Variants in HS3ST5 observed in about 807,000 individuals in gnomAD.
The protein encoded by HS3ST5 is heparan sulfate-glucosamine 3-sulfotransferase 5.
HS3ST5 carries 10 observed loss-of-function variants against 25.4 expected under a neutral mutation model. The observed-to-expected ratio is 0.39, with a 90% CI of 0.24 to 0.67. The LOEUF (loss-of-function observed/expected upper bound fraction) is 0.67. Among genes scored for constraint, HS3ST5 ranks in the 30% least tolerant of loss-of-function variants. The probability of loss-of-function intolerance (pLI) is 0.44; values close to 1 mark genes in which losing one functional copy is unlikely to be tolerated. For synonymous variants in HS3ST5, 170 were observed against 162.4 expected, an observed-to-expected ratio of 1.05 and a Z score of -0.36; for missense variants, 324 against 420.7, an observed-to-expected ratio of 0.77 and a Z score of 2.01.
intron 1 of HS3ST5, among the ~76,000 whole-genome samples, chr6:114,260,252 C>G (rs1053785318): frequency 6.6e-6 from 1 of 152,034 alleles, no homozygotes; most frequent in Admixed American, 6.6e-5. Context: ...CTTTGATGAA[C>G]ATAACAACAG....
intron 3 of HS3ST5, among the ~76,000 whole-genome samples, chr6:114,123,989 C>A (rs909539386): frequency 6.6e-6 from 1 of 152,130 alleles, no homozygotes; most frequent in Non-Finnish European, 1.5e-5. Context: ...ATTATCACAT[C>A]CACTTTCTAA....
chr6:114,069,516 ATTTTTT>A (rs373504728), intron 3 of HS3ST5, among the ~76,000 whole-genome samples: 1 of 130,676 alleles, frequency 7.7e-6, no homozygotes, highest in Non-Finnish European at 1.6e-5. Context: ...ACATGGGAGA[ATTTTTT>A]TTTTTTTTTT....
intron 1 of HS3ST5, among the ~76,000 whole-genome samples, chr6:114,250,437 C>T (rs996138665): frequency 2.0e-5 from 3 of 151,954 alleles, no homozygotes; most frequent in Non-Finnish European, 4.4e-5. Context: ...AAAAATTAGT[C>T]GGGCGTGGTG....
chr6:114,290,546 T>C (rs1168633207), intron 1 of HS3ST5, among the ~76,000 whole-genome samples: 1 of 152,108 alleles, frequency 6.6e-6, no homozygotes, highest in Non-Finnish European at 1.5e-5. Flanking sequence ...AAAGGGGTTT[T>C]ATTTTCTTCA....
chr6:114,195,790 T>A (rs909543107), intron 2 of HS3ST5, among the ~76,000 whole-genome samples: 2 of 152,082 alleles, frequency 1.3e-5, no homozygotes, highest in African/African-American at 4.8e-5. Flanking sequence ...GGGTCCTTGG[T>A]TGAATTCTTT....
intron 3 of HS3ST5, among the ~76,000 whole-genome samples, chr6:114,125,189 A>G (rs1007863485): frequency 1.3e-5 from 2 of 152,218 alleles, no homozygotes; most frequent in Admixed American, 1.3e-4. Flanking sequence ...TTTAGAAAGA[A>G]TTACAATTTG....
chr6:114,270,843 A>C (rs2114700483), intron 1 of HS3ST5, among the ~76,000 whole-genome samples: 1 of 152,270 alleles, frequency 6.6e-6, no homozygotes, highest in African/African-American at 2.4e-5. Flanking sequence ...TAGCCATATA[A>C]AAAGCAATAT....
chr6:114,317,874 C>T (rs1775806509), intron 1 of HS3ST5, among the ~76,000 whole-genome samples: 1 of 152,010 alleles, frequency 6.6e-6, no homozygotes, highest in South Asian at 2.1e-4. Flanking sequence ...GATCTGACTA[C>T]CCCATCATCA....
chr6:114,203,698 ACT>A (rs1343173229), intron 2 of HS3ST5, among the ~76,000 whole-genome samples: 7 of 151,692 alleles, frequency 4.6e-5, no homozygotes, highest in Non-Finnish European at 1.0e-4. Context: ...CAGTTTAAAC[ACT>A]CTTCTGATTT....
chr6:114,242,626 G>T (rs1454684856), intron 1 of HS3ST5, among the ~76,000 whole-genome samples: 2 of 151,716 alleles, frequency 1.3e-5, no homozygotes, highest in East Asian at 3.9e-4. Context: ...GGCCGAGGCG[G>T]GTGGATCATG....
intron 1 of HS3ST5, among the ~76,000 whole-genome samples, 159 bp downstream of exon 1, chr6:114,342,035 TC>T (rs1189454858): frequency 6.6e-6 from 1 of 152,112 alleles, no homozygotes; most frequent in Non-Finnish European, 1.5e-5. Flanking sequence ...TCAAAAGTCT[TC>T]CCCAGGCAGC....
intron 1 of HS3ST5, among the ~76,000 whole-genome samples, chr6:114,279,397 T>C (rs1774004484): frequency 6.6e-6 from 1 of 152,052 alleles, no homozygotes; most frequent in Non-Finnish European, 1.5e-5. Flanking sequence ...ATTTCAACTT[T>C]ATAACCTGTT....
intron 1 of HS3ST5, among the ~76,000 whole-genome samples, chr6:114,248,842 T>C (rs982560396): frequency 1.3e-5 from 2 of 152,266 alleles, no homozygotes; most frequent in Non-Finnish European, 2.9e-5. Context: ...TTTCAATATA[T>C]ACCAGTTTCA....
intron 3 of HS3ST5, among the ~76,000 whole-genome samples, chr6:114,103,509 A>G (rs1775831018): frequency 6.6e-6 from 1 of 152,170 alleles, no homozygotes; most frequent in African/African-American, 2.4e-5. Context: ...AACATCAGCT[A>G]GTTGACTTCA....
At chr6:114,262,551 GAA>G (rs755438082) in intron 1 of HS3ST5, among the ~76,000 whole-genome samples, 3,053 of 136,116 alleles carry the variant, frequency 0.022, 33 homozygotes, top group Admixed American at 0.029. Flanking sequence ...TGTCTCAAAA[GAA>G]AAAAAAAAAA....
intron 1 of HS3ST5, among the ~76,000 whole-genome samples, chr6:114,326,556 A>AT (rs1776183604): frequency 6.6e-6 from 1 of 152,322 alleles, no homozygotes; most frequent in African/African-American, 2.4e-5. Flanking sequence ...GAGCAGTTGC[A>AT]TAGTAGAGTT....
intron 3 of HS3ST5, among the ~76,000 whole-genome samples, chr6:114,094,517 T>C (rs1442685315): frequency 2.0e-5 from 3 of 152,188 alleles, no homozygotes; most frequent in Non-Finnish European, 4.4e-5. Flanking sequence ...TCAGAAAGAA[T>C]GGAGTTATTC....
At chr6:114,120,805 G>C (rs1281656743) in intron 3 of HS3ST5, among the ~76,000 whole-genome samples, 2 of 152,180 alleles carry the variant, frequency 1.3e-5, no homozygotes, top group Admixed American at 1.3e-4. Flanking sequence ...ATGTATAGGT[G>C]AGGGTAGAAA....
At chr6:114,226,832 C>G (rs1441559121) in intron 2 of HS3ST5, among the ~76,000 whole-genome samples, 1 of 151,846 alleles carries the variant, frequency 6.6e-6, no homozygotes, top group African/African-American at 2.4e-5. Flanking sequence ...TGATTCACTT[C>G]AAGACACAAT....
Sources: gnomAD v4.1 joint callset for allele counts (sites outside exome capture counted in the v4.1 genomes callset) on GRCh38, gnomAD v4.1.1 for gene constraint, MANE v1.5 for transcripts, NCBI Gene and HGNC (gene_info 2026-07-23, HGNC 2026-07-21) for gene names.